The following MTMR4 variants were observed in gnomAD, a reference collection of about 807,000 sequenced individuals.
MTMR4 encodes myotubularin related protein 4.
MTMR4 carries 30 observed loss-of-function variants against 125.5 expected under a neutral mutation model. The ratio of observed to expected loss-of-function variants is 0.24; its 90% confidence interval spans 0.18 to 0.32. MTMR4 has a LOEUF of 0.32. Ranked by LOEUF, MTMR4 falls within the 10% of genes least tolerant of loss-of-function variation. MTMR4 has a pLI of 1.00. For synonymous variants in MTMR4, 498 were observed against 564.5 expected (o/e 0.88, Z 1.67); for missense variants, 1,039 against 1,511.5 (o/e 0.69, Z 5.18).
Position 58,505,498 on chromosome 17 carries a change from C to T in MTMR4, c.1119G>A (p.Val373=). The T allele has an allele frequency of 6.2e-7, 1 of 1,613,080 alleles. No homozygotes were observed. The highest frequency in any genetic ancestry group is 1.3e-5 in the African/African-American group (1 of 75,030). ...IRNSFQYLRA[V]CSQMPDPSNW... ...TGCTAGGATCCGGCATCTGGCTACA[C>T]ACAGCCCGGAGGTACTGAAAGCTGT... The change falls in exon 10 of 18, where the codon GTG becomes GTA. Residue 373 remains valine, a synonymous_variant. Transcript: ENST00000682306.
At chr17:58,510,375 GCCGTTCTCTGTCTCTGGCACACTCTTCCA>G (rs936441496) in intron 4 of MTMR4, among the ~76,000 whole-genome samples, 1 of 152,180 alleles carries the variant, frequency 6.6e-6, no homozygotes, top group African/African-American at 2.4e-5. Context: ...CTTTGCACTT[GCCGTTCTCTGTCTCTGGCACACTCTTCCA>G]CCAAATAGCC....
intron 1 of MTMR4, among the ~76,000 whole-genome samples, chr17:58,513,170 T>A (rs921400323): frequency 6.6e-6 from 1 of 151,996 alleles, no homozygotes. Flanking sequence ...CCAGGAGGAA[T>A]TGGGAATCTG....
Position 58,512,263 on chromosome 17 carries a change from G to C in MTMR4, c.252+127C>G. ...GGCCTCCCAAAGTGCTGGGATTACA[G>C]GCGTGAGCCACTGCGCCCGGCCTCC... On this transcript the variant is annotated intron_variant, in intron 3 of 17. Coordinates refer to ENST00000682306, the MANE Select transcript of MTMR4 (RefSeq NM_001378067.1). This position sits in a 1 kb window ranked among gnomAD's most constrained non-coding sequence, Gnocchi z 4.1. 2.6e-6 allele frequency: 2 copies of C among 777,268 alleles called. No individual in the cohort carries two copies. Among genetic ancestry groups the C allele is most frequent in the South Asian group, 3.1e-5 (2 of 64,196 alleles). 48.1% of individuals were successfully genotyped at this position (777,268 alleles called of 1,614,324 possible).
upstream of MTMR4, chr17:58,515,131 A>G (rs1976053776): frequency 2.5e-6 from 2 of 798,252 alleles, no homozygotes; most frequent in Admixed American, 6.3e-5. Context: ...ACCCAACCCT[A>G]CTCCTTCAGC....
intron 9 of MTMR4, among the ~76,000 whole-genome samples, chr17:58,506,181 T>C (rs533335670): frequency 6.6e-6 from 1 of 152,332 alleles, no homozygotes; most frequent in South Asian, 2.1e-4. Context: ...ATTTTATATA[T>C]ACAACTTCTT....
Position 58,508,780 on chromosome 17 carries a change from C to T in MTMR4, c.397G>A (p.Ala133Thr). ...EWLSRLSRAT[A>T]RPAKPEDLFA... ...AGGTCTTCAGGCTTGGCAGGTCTTG[C>T]TGTGGCTCGGCTTAGCCGTGAGAGC... is the stretch of plus-strand genomic sequence containing the variant. The change falls in exon 5 of 18, where the codon GCA (alanine) becomes ACA (threonine). Residue 133 changes from alanine to threonine, a missense_variant. Ala to Thr is a moderately conservative substitution (Grantham distance 58). Around this residue, in one of 6 missense-constraint regions of MTMR4, gnomAD observed 202 missense variants for 311.9 expected, o/e 0.65. Transcript: ENST00000682306. This position sits in a 1 kb window ranked among gnomAD's most constrained non-coding sequence, Gnocchi z 4.8. 2 of 1,614,186 alleles carry T rather than the reference C, an allele frequency of 1.2e-6. No homozygotes were observed. Among genetic ancestry groups the T allele is most frequent in the Non-Finnish European group, 1.7e-6 (2 of 1,180,040 alleles).
chr17:58,508,773 G>A lies in MTMR4; in HGVS notation c.404C>T (p.Pro135Leu). 3.7e-6 allele frequency: 6 copies of A among 1,614,224 alleles called. No individual in the cohort carries two copies. The highest frequency in any genetic ancestry group is 5.1e-6 in the Non-Finnish European group (6 of 1,180,042). Residue 135 changes from proline to leucine, a missense_variant, in exon 5 of 18, where the codon CCT (proline) becomes CTT (leucine). This residue lies in a region of MTMR4 where 202 missense variants were observed against 311.9 expected (regional missense o/e 0.65). Coordinates refer to ENST00000682306, the MANE Select transcript of MTMR4 (RefSeq NM_001378067.1). The surrounding 1 kb of genome is among the most constrained non-coding windows in gnomAD (Gnocchi z 4.8). ...LSRLSRATAR[P>L]AKPEDLFAFA... ...GGCAAAGAGGTCTTCAGGCTTGGCA[G>A]GTCTTGCTGTGGCTCGGCTTAGCCG...
intron 4 of MTMR4, among the ~76,000 whole-genome samples, chr17:58,510,251 C>G (rs752091090): frequency 6.6e-6 from 1 of 152,132 alleles, no homozygotes; most frequent in Admixed American, 6.5e-5. Context: ...GTCTGACACC[C>G]GGCTTTGTTC....
At position 58,512,707 on chromosome 17, in the gene MTMR4, C is replaced by T. The variant is rs1344158845; in HGVS notation, c.135+145G>A. ...CTGCGGCCAAAGGCTCCAGGATGCG[C>T]AGACAAACCCTCCTCCTCCAGAGAC... On this transcript the variant is annotated intron_variant, in intron 2 of 17. Coordinates refer to ENST00000682306, the MANE Select transcript of MTMR4 (RefSeq NM_001378067.1). This position sits in a 1 kb window ranked among gnomAD's most constrained non-coding sequence, Gnocchi z 4.1. 1.2e-6 allele frequency: 1 copy of T among 804,964 alleles called. No individual in the cohort carries two copies. Among genetic ancestry groups the T allele is most frequent in the African/African-American group, 1.7e-5 (1 of 58,076 alleles). The allele number at this position is 804,964 out of a possible 1,614,324, so 49.9% of individuals were successfully genotyped here. A position where few individuals can be genotyped will look rare whatever the true frequency, so the allele number is the denominator to read the frequency against.
At chr17:58,510,341 G>A (rs1490427991) in intron 4 of MTMR4, among the ~76,000 whole-genome samples, 3 of 152,134 alleles carry the variant, frequency 2.0e-5, no homozygotes, top group African/African-American at 7.2e-5. Context: ...CTCCCAATAT[G>A]CAGGCACACA....
rs1446015518 is a variant in MTMR4 at position 58,512,549 on chromosome 17, C to T, written c.136-43G>A. ...AACCTTCAGTCCAGAAGTGAGTGAC[C>T]ACCTTATCCTCTTCTACAGCCCCTG... On this transcript the variant is annotated intron_variant, in intron 2 of 17. Transcript: ENST00000682306. The surrounding 1 kb of genome is among the most constrained non-coding windows in gnomAD (Gnocchi z 4.1). 7 of 1,462,760 alleles carry T rather than the reference C, an allele frequency of 4.8e-6. No individual in the cohort carries two copies. Among genetic ancestry groups the T allele is most frequent in the Non-Finnish European group, 5.7e-6 (6 of 1,043,606 alleles). 90.6% of individuals were successfully genotyped at this position (1,462,760 alleles called of 1,614,324 possible).
upstream of MTMR4, chr17:58,514,769 C>A: frequency 1.4e-6 from 1 of 736,290 alleles, no homozygotes; most frequent in Non-Finnish European, 1.7e-6. Context: ...GAGGGCGTAC[C>A]CTACTCCAGG....
At position 58,508,287 on chromosome 17, in the gene MTMR4, C is replaced by A. The variant is rs1975829344; in HGVS notation, c.594-13G>T. ...ACTGGGGCACAATCTGAGAAGAGAC[C>A]AGGTGGGGGTCACTGCACTGGGTCT... On this transcript the variant is annotated splice_polypyrimidine_tract_variant and intron_variant, in intron 6 of 17. Coordinates refer to ENST00000682306, the MANE Select transcript of MTMR4 (RefSeq NM_001378067.1). This position sits in a 1 kb window ranked among gnomAD's most constrained non-coding sequence, Gnocchi z 4.8. 1.9e-6 allele frequency: 3 copies of A among 1,610,214 alleles called. No individual in the cohort carries two copies. The highest frequency in any genetic ancestry group is 4.5e-5 in the East Asian group (2 of 44,876).
At chr17:58,503,664 A>T (rs1212608642) in intron 14 of MTMR4, 80 bp downstream of exon 14, 8 of 1,472,978 alleles carry the variant, frequency 5.4e-6, no homozygotes, top group Non-Finnish European at 5.5e-6. Context: ...AAAAGAAAGA[A>T]AGAGAACATT....
At position 58,507,315 on chromosome 17, in the gene MTMR4, A is replaced by C. The variant is rs760580694; in HGVS notation, c.712T>G (p.Leu238Val). Residue 238 changes from leucine (L) to valine (V), a missense_variant, in exon 8 of 18, where the codon TTG becomes GTG. Transcript: ENST00000682306. ...CGGGCGATGGCAGCCCCATTGCGCA[A>C]GTGTCTGACAAAACAGAAGAAACCG... is the stretch of plus-strand genomic sequence containing the variant. Reference protein sequence around the residue: ...KRIPVVVYRHLRNGAAIARCS... With the variant: ...KRIPVVVYRHVRNGAAIARCS... 1.2e-6 allele frequency: 2 copies of C among 1,612,220 alleles called. No individual in the cohort carries two copies.
chr17:58,501,581 A>C (rs1330523681), intron 14 of MTMR4, among the ~76,000 whole-genome samples: 1 of 151,750 alleles, frequency 6.6e-6, no homozygotes, highest in African/African-American at 2.4e-5. Context: ...GTGTGTATAT[A>C]TATAGTATAC....
At chr17:58,491,899 G>C in intron 17 of MTMR4, 59 bp from the exon 18 acceptor site, 11 of 1,536,300 alleles carry the variant, frequency 7.2e-6, no homozygotes, top group Non-Finnish European at 9.8e-6. Context: ...GGCCAGGCAG[G>C]GTGACTCACA....
intron 14 of MTMR4, among the ~76,000 whole-genome samples, chr17:58,501,853 G>A (rs1975642732): frequency 6.6e-6 from 1 of 151,980 alleles, no homozygotes. Context: ...GAGGTCAGGA[G>A]TTCAAGACCA....
chr17:58,500,566 T>C lies in MTMR4; in HGVS notation c.1853+3178A>G, dbSNP rs550549396. ...GAGATCGAGACCATCCTGGCCAACA[T>C]GGTGAAACCCCGTCTCTACTAAAAA... On this transcript the variant is annotated intron_variant, in intron 14 of 17. Coordinates refer to ENST00000682306, the MANE Select transcript of MTMR4 (RefSeq NM_001378067.1). 6.6e-3 allele frequency among the ~76,000 whole-genome samples: 1,010 copies of C among 152,060 alleles called. 10 individuals are homozygous for C. The highest frequency in any genetic ancestry group is 0.023 in the African/African-American group (942 of 41,468).
Sources: allele counts gnomAD v4.1 joint callset (sites outside exome capture counted in the v4.1 genomes callset), GRCh38; gene constraint gnomAD v4.1.1; regional missense constraint gnomAD v4.1.1; non-coding constraint Gnocchi (gnomAD v3.1); transcripts MANE v1.5; gene names NCBI Gene and HGNC (gene_info 2026-07-23, HGNC 2026-07-21).